The following THAP3 variants were observed in gnomAD, a reference collection of about 807,000 sequenced individuals.
THAP3 encodes THAP domain containing 3.
Under a neutral mutation model 17.7 loss-of-function variants are expected in THAP3, and 12 were observed. The ratio of observed to expected loss-of-function variants is 0.68; its 90% CI spans 0.43 to 1.10. The LOEUF is 1.10. THAP3 is among the 50% of genes least tolerant of loss of function. The pLI is 0.00. For missense variants in THAP3, 289 were observed against 318.0 expected, an observed-to-expected ratio of 0.91 and a Z score of 0.69; for synonymous variants, 133 against 126.9, an observed-to-expected ratio of 1.05 and a Z score of -0.32.
chr1:6,631,683 T>C (rs1035850988), intron 4 of THAP3, among the ~76,000 whole-genome samples: 2 of 152,046 alleles, frequency 1.3e-5, no homozygotes, highest in Non-Finnish European at 1.5e-5. Flanking sequence ...GGCAGGTGGA[T>C]TGCCTGAGGT....
rs753409646 is a variant in THAP3, at chr1:6,633,259, C to T, written c.*182C>T. The T allele has an allele frequency of 1.9e-5, 28 of 1,436,302 alleles. No individual in the cohort carries two copies. The highest frequency in any genetic ancestry group is 7.2e-5 in the African/African-American group (5 of 69,670). 89.0% of individuals were successfully genotyped at this position (1,436,302 alleles called of 1,614,324 possible). On this transcript the variant is annotated 3_prime_UTR_variant, in exon 6 of 6. Coordinates refer to ENST00000054650, the MANE Select transcript of THAP3 (RefSeq NM_001195753.2). ...GAGAGCCCCAATGCCGTCTGGGGGACGTTTAGAGGCGTGGCACTAGGAGTG... is the reference window on the plus strand; with the variant it reads ...GAGAGCCCCAATGCCGTCTGGGGGATGTTTAGAGGCGTGGCACTAGGAGTG...
At chr1:6,633,926 ACTG>A, downstream of THAP3, 2 of 1,195,402 alleles carry the variant, frequency 1.7e-6, no homozygotes, top group Non-Finnish European at 2.4e-6. Flanking sequence ...GAAAAAAAAA[ACTG>A]ACTTCCTATT....
chr1:6,625,392 G>A, intron 2 of THAP3, 100 bp downstream of exon 2: 3 of 1,121,308 alleles, frequency 2.7e-6, no homozygotes, highest in Non-Finnish European at 3.5e-6. Context: ...AAAGGCGTGC[G>A]GCCGCTGGGC....
At chr1:6,632,277 A>G in intron 4 of THAP3, 114 bp from the exon 5 acceptor site, 6 of 1,435,794 alleles carry the variant, frequency 4.2e-6, no homozygotes, top group South Asian at 1.3e-5. Context: ...GGAGGGGCAC[A>G]GACCCTGGAG....
chr1:6,630,564 C>T (rs911699766), intron 4 of THAP3, among the ~76,000 whole-genome samples: 4 of 152,084 alleles, frequency 2.6e-5, no homozygotes, highest in Non-Finnish European at 5.9e-5. Context: ...AGGGATCGTG[C>T]CTGATTCCCT....
At chr1:6,629,176 T>C (rs1337329842) in intron 3 of THAP3, among the ~76,000 whole-genome samples, 1 of 152,168 alleles carries the variant, frequency 6.6e-6, no homozygotes, top group African/African-American at 2.4e-5. Context: ...AGGTGGGATG[T>C]GTGGGCCTGG....
rs376565346 is a variant in THAP3 at position 6,630,370 on chromosome 1, A to G, written c.333+17A>G. The G allele has an allele frequency of 1.1e-5, 17 of 1,613,248 alleles. No individual in the cohort carries two copies. Among genetic ancestry groups the G allele is most frequent in the East Asian group, 2.2e-5 (1 of 44,884 alleles). ...AAAGAAAAGGTGAGTGCACCGGGCCAGGTACTTGAATGTTTAAATTATGCT... is the reference window on the plus strand; with the variant it reads ...AAAGAAAAGGTGAGTGCACCGGGCCGGGTACTTGAATGTTTAAATTATGCT... On this transcript the variant is annotated intron_variant, in intron 4 of 5. Coordinates refer to ENST00000054650, the MANE Select transcript of THAP3 (RefSeq NM_001195753.2).
Position 6,633,255 on chromosome 1 carries a change from G to A in THAP3, c.*178G>A. 1.4e-6 allele frequency: 2 copies of A among 1,438,770 alleles called. No individual in the cohort carries two copies. The highest frequency in any genetic ancestry group is 1.8e-6 in the Non-Finnish European group (2 of 1,103,428). 89.1% of individuals were successfully genotyped at this position (1,438,770 alleles called of 1,614,324 possible). On this transcript the variant is annotated 3_prime_UTR_variant, in exon 6 of 6. Transcript: ENST00000054650. ...CGGCGAGAGCCCCAATGCCGTCTGGGGGACGTTTAGAGGCGTGGCACTAGG... is the reference window on the plus strand; with the variant it reads ...CGGCGAGAGCCCCAATGCCGTCTGGAGGACGTTTAGAGGCGTGGCACTAGG...
chr1:6,632,091 T>C (rs1641630881), intron 4 of THAP3, among the ~76,000 whole-genome samples: 1 of 150,566 alleles, frequency 6.6e-6, no homozygotes. Context: ...TGGCACATGC[T>C]TGTAATTCTA....
intron 4 of THAP3, among the ~76,000 whole-genome samples, chr1:6,631,949 C>T (rs1467370509): frequency 6.7e-6 from 1 of 150,230 alleles, no homozygotes; most frequent in Non-Finnish European, 1.5e-5. Flanking sequence ...ACTCAGGAGG[C>T]TGAGGCAGAA....
chr1:6,634,126 C>T, downstream of THAP3: 1 of 1,576,730 alleles, frequency 6.3e-7, no homozygotes, highest in Non-Finnish European at 8.7e-7. Flanking sequence ...GGGTTCCCTC[C>T]CTCCTGAAGA....
chr1:6,632,325 G>A (rs762575461), intron 4 of THAP3, 66 bp from the exon 5 acceptor site: 2 of 1,597,368 alleles, frequency 1.3e-6, no homozygotes, highest in Non-Finnish European at 1.7e-6. Flanking sequence ...AGAGGGACAA[G>A]TAGCAGCTGC....
In THAP3 at chr1:6,624,916, A is replaced by C; in HGVS notation, c.-108A>C. On this transcript the variant is annotated 5_prime_UTR_variant, in exon 1 of 6. Coordinates refer to ENST00000054650, the MANE Select transcript of THAP3 (RefSeq NM_001195753.2). ...GCTATGCGTCCTGGTTGGGTGCTCA[A>C]AGCAAGGAGGTGAAAGGCGACCAGC... is the stretch of plus-strand genomic sequence containing the variant. 2.3e-6 allele frequency: 1 copy of C among 430,406 alleles called. No individual in the cohort carries two copies. The highest frequency in any genetic ancestry group is 4.2e-6 in the Non-Finnish European group (1 of 238,358). 26.7% of individuals were successfully genotyped at this position (430,406 alleles called of 1,614,324 possible).
In THAP3 at chr1:6,628,520, G is replaced by A. The variant is rs775608870; in HGVS notation, c.96G>A (p.Glu32=). 12 of 1,613,402 alleles carry A rather than the reference G, an allele frequency of 7.4e-6. No homozygotes were observed. In the East Asian group the frequency reaches 2.5e-4, roughly 33 times the overall value. The part of the protein sequence containing the change: ...TFHRFPFSRP[E]LLKEWVLNIG... The stretch of plus-strand genomic sequence containing the variant: ...TTAGGTTTCCGTTCAGCCGCCCGGA[G>A]CTGCTGAAGGAATGGGTGCTGAACA... Residue 32 remains glutamate, a synonymous_variant, in exon 3 of 6, where the codon GAG becomes GAA. Transcript: ENST00000054650.
At chr1:6,625,962 G>A (rs6684534) in intron 2 of THAP3, among the ~76,000 whole-genome samples, 2 of 152,112 alleles carry the variant, frequency 1.3e-5, no homozygotes, top group Admixed American at 6.6e-5. Context: ...AAAAATGCAC[G>A]AATCATAAGT....
At chr1:6,632,326 TAGC>T (rs1021390019) in intron 4 of THAP3, 62 bp from the exon 5 acceptor site, 14 of 1,597,152 alleles carry the variant, frequency 8.8e-6, no homozygotes, top group African/African-American at 1.3e-5. Flanking sequence ...GAGGGACAAG[TAGC>T]AGCTGCAGGA....
chr1:6,634,523 G>A (rs1487214974), downstream of THAP3: 1 of 1,360,688 alleles, frequency 7.3e-7, no homozygotes, highest in Non-Finnish European at 9.8e-7. Context: ...CGCGCCAGCT[G>A]TCTCAGCCAC....
chr1:6,634,235 G>C (rs1339830977), downstream of THAP3: 8 of 903,824 alleles, frequency 8.9e-6, no homozygotes, highest in Non-Finnish European at 1.3e-5. Flanking sequence ...GAAACGCAGA[G>C]GATGGGTGCC....
intron 4 of THAP3, 86 bp downstream of exon 4, chr1:6,630,439 C>T (rs1194335557): frequency 1.4e-6 from 2 of 1,404,200 alleles, no homozygotes; most frequent in Non-Finnish European, 1.0e-6. Flanking sequence ...CAAGGCCGGC[C>T]CGCAGGGCTG....
Sources: gnomAD v4.1 joint callset for allele counts (sites outside exome capture counted in the v4.1 genomes callset) on GRCh38, gnomAD v4.1.1 for gene constraint, MANE v1.5 for transcripts, NCBI Gene and HGNC (gene_info 2026-07-23, HGNC 2026-07-21) for gene names.